Variants in FAM3A observed in about 807,000 individuals in gnomAD.
FAM3A encodes protein FAM3A.
A neutral mutation model predicts 18.1 loss-of-function variants in FAM3A; 5 were observed. The ratio of observed to expected loss-of-function variants is 0.28; its 90% CI spans 0.14 to 0.58. The LOEUF is 0.58. FAM3A is among the 20% of genes least tolerant of loss of function. The pLI, the probability that FAM3A is intolerant of heterozygous loss-of-function variation, is 0.91. For synonymous variants in FAM3A, 108 were observed against 90.2 expected, an observed-to-expected ratio of 1.20 and a Z score of -1.12; for missense variants, 154 against 216.6, an observed-to-expected ratio of 0.71 and a Z score of 1.81.
intron 3 of FAM3A, chrX:154,508,814 G>GACAAACCCT (rs2069710430): frequency 1.4e-5 from 7 of 516,622 alleles, no homozygotes; most frequent in African/African-American, 2.3e-5. Flanking sequence ...TTCTGTTACT[G>GACAAACCCT]GTGGGAGAAA....
At chrX:154,513,946 C>T (rs1487470993) in intron 1 of FAM3A, among the ~76,000 whole-genome samples, 1 of 110,661 alleles carries the variant, frequency 9.0e-6, no homozygotes, top group Admixed American at 9.7e-5. Context: ...GGCCTGGCTT[C>T]CACCACCTCA....
rs1198511362 is a variant in FAM3A, at chrX:154,512,727, A to C, written c.127+96T>G. ...GTAGCCTGCCAGGGAGGAGATAGAA[A>C]ACCCAAGTCAACTCCCAACCCAGAG... is the stretch of plus-strand genomic sequence containing the variant. On this transcript the variant is annotated intron_variant, in intron 2 of 8. Transcript: ENST00000447601. 7 of 582,344 alleles carry C rather than the reference A, an allele frequency of 1.2e-5. No homozygotes were observed. The African/African-American group carries it at 1.6e-4, about 13-fold the overall frequency. 48.0% of individuals were successfully genotyped at this position (582,344 alleles called of 1,213,427 possible).
At chrX:154,507,163 AG>A (rs782802672) in intron 8 of FAM3A, 39 bp downstream of exon 8, 2 of 1,173,345 alleles carry the variant, frequency 1.7e-6, no homozygotes, top group South Asian at 3.7e-5. Context: ...AAGGGGCGAC[AG>A]GCTGCCCCGG....
At chrX:154,510,517 C>T (rs2148300825) in intron 3 of FAM3A, 1 of 81,905 alleles carries the variant, frequency 1.2e-5, no homozygotes, top group South Asian at 7.0e-4. Context: ...CAGAGTAAGA[C>T]CTCTGTCTCT....
intron 2 of FAM3A, among the ~76,000 whole-genome samples, 158 bp from the exon 3 acceptor site, chrX:154,512,029 T>A (rs2069903536): frequency 1.8e-5 from 2 of 110,058 alleles, no homozygotes; most frequent in African/African-American, 6.6e-5. Flanking sequence ...TGCTCAAGTG[T>A]AAGTCATGTT....
At chrX:154,513,349 C>T (rs1291339813) in intron 1 of FAM3A, among the ~76,000 whole-genome samples, 3 of 111,691 alleles carry the variant, frequency 2.7e-5, no homozygotes, top group African/African-American at 3.3e-5. Context: ...AGACCAGTCC[C>T]GGCCGGGCGC....
rs782684394 is a variant in FAM3A at position 154,507,496 on chromosome X, G to T, written c.386-6C>A. ...CTTCAACAGGTCGTTGACATCTGGG[G>T]GGGCAGGTGCCACGGAACAGGGGTC... On this transcript the variant is annotated splice_region_variant and splice_polypyrimidine_tract_variant and intron_variant, in intron 6 of 8. Transcript: ENST00000447601. The T allele has an allele frequency of 2.5e-6, 3 of 1,207,732 alleles. No homozygotes were observed. In the South Asian group the frequency reaches 5.3e-5, roughly 21 times the overall value.
intron 3 of FAM3A, chrX:154,509,764 GCATTCATCCATTC>G (rs1557221691): frequency 8.9e-6 from 1 of 111,761 alleles, no homozygotes; most frequent in Admixed American, 9.5e-5. Flanking sequence ...CATAATAGTG[GCATTCATCCATTC>G]ATGAGGGCAG....
At chrX:154,513,506 T>A (rs892132390) in intron 1 of FAM3A, among the ~76,000 whole-genome samples, 1 of 111,057 alleles carries the variant, frequency 9.0e-6, no homozygotes, top group Non-Finnish European at 1.9e-5. Context: ...GGCGCGCACC[T>A]GTAATCCCAG....
intron 3 of FAM3A, chrX:154,508,831 G>A: frequency 4.0e-6 from 2 of 500,439 alleles, no homozygotes; most frequent in Non-Finnish European, 7.4e-6. Context: ...GAAAAGAAAG[G>A]ATGCTGAGGG....
chrX:154,511,544 T>G (rs1011115996), intron 3 of FAM3A: 8 of 306,873 alleles, frequency 2.6e-5, no homozygotes, highest in African/African-American at 5.3e-5. Flanking sequence ...CCTCAGGCCT[T>G]GAAACCAAAT....
intron 8 of FAM3A, 125 bp from the exon 9 acceptor site, chrX:154,507,031 G>A (rs184774844): frequency 1.1e-6 from 1 of 888,692 alleles, no homozygotes; most frequent in African/African-American, 2.0e-5. Flanking sequence ...AGGGCACTTG[G>A]CCCCTCCACC....
In FAM3A at chrX:154,506,958, C is replaced by T. The variant is rs2069568068; in HGVS notation, c.598-52G>A. The T allele has an allele frequency of 3.8e-6, 4 of 1,057,885 alleles. No homozygotes were observed. In the South Asian group the frequency reaches 5.8e-5, roughly 15 times the overall value. 87.2% of individuals were successfully genotyped at this position (1,057,885 alleles called of 1,213,427 possible). On this transcript the variant is annotated intron_variant, in intron 8 of 8. Coordinates refer to ENST00000447601, the MANE Select transcript of FAM3A (RefSeq NM_021806.4). ...GACTTTGGCCCTCAGGGACAGGGGA[C>T]AGGAGTGGACCAGGACCCAGGCTGT...
intron 3 of FAM3A, chrX:154,510,938 A>C (rs1440062034): frequency 2.7e-5 from 3 of 110,819 alleles, no homozygotes; most frequent in Non-Finnish European, 5.7e-5. Context: ...AAAAAAAAAA[A>C]AAACTTGGTT....
chrX:154,512,948 A>T lies in FAM3A; in HGVS notation c.14-12T>A. 8.7e-7 allele frequency: 1 copy of T among 1,150,991 alleles called. No individual in the cohort carries two copies. Among genetic ancestry groups the T allele is most frequent in the Non-Finnish European group, 1.2e-6 (1 of 840,533 alleles). 94.9% of individuals were successfully genotyped at this position (1,150,991 alleles called of 1,213,427 possible). On this transcript the variant is annotated splice_polypyrimidine_tract_variant and intron_variant, in intron 1 of 8. Coordinates refer to ENST00000447601, the MANE Select transcript of FAM3A (RefSeq NM_021806.4). ...AATGCGGAGAGGGCCTGGAGGCAGG[A>T]TAGACACAGGGTGGGGTCACCTCAG...
chrX:154,512,725 A>G, intron 2 of FAM3A, 98 bp downstream of exon 2: 1 of 584,271 alleles, frequency 1.7e-6, no homozygotes, highest in South Asian at 2.7e-5. Context: ...GAGGAGATAG[A>G]AAACCCAAGT....
In FAM3A at chrX:154,507,221, G is replaced by C; in HGVS notation, c.579C>G (p.Asn193Lys). 8.3e-7 allele frequency: 1 copy of C among 1,205,858 alleles called. No individual in the cohort carries two copies. The change falls in exon 8 of 9, where the codon AAC becomes AAG. Residue 193 changes from asparagine (N) to lysine (K), a missense_variant. This residue lies in a region of FAM3A where 39 missense variants were observed against 38.5 expected (regional missense o/e 1.01). Transcript: ENST00000447601. ...WVFVGAKGVQNKSPFEQHVKN... is the reference protein window; with the variant it reads ...WVFVGAKGVQKKSPFEQHVKN... The stretch of plus-strand genomic sequence containing the variant: ...CCCATACCTGCTCAAAGGGGCTCTT[G>C]TTCTGCACACCCTTGGCCCCGACAA...
chrX:154,507,578 G>A (rs782112071), intron 6 of FAM3A, 88 bp from the exon 7 acceptor site: 35 of 1,000,046 alleles, frequency 3.5e-5, no homozygotes, highest in Middle Eastern at 3.4e-4. Flanking sequence ...GGAAACAGAA[G>A]TAGGGATTGG....
chrX:154,507,522 A>G (rs370986233), intron 6 of FAM3A, 32 bp from the exon 7 acceptor site: 71 of 1,165,960 alleles, frequency 6.1e-5, no homozygotes, highest in Non-Finnish European at 8.0e-5. Context: ...AACAGGGGTC[A>G]TCAGGCACCA....
Sources: gnomAD v4.1 joint callset for allele counts (sites outside exome capture counted in the v4.1 genomes callset) on GRCh38, gnomAD v4.1.1 for gene constraint, gnomAD v4.1.1 regional missense constraint, MANE v1.5 for transcripts, NCBI Gene and HGNC (gene_info 2026-07-23, HGNC 2026-07-21) for gene names.